The following RNGTT variants were observed in gnomAD, a reference collection of about 807,000 sequenced individuals.
RNGTT encodes mRNA-capping enzyme.
A neutral mutation model predicts 79.3 loss-of-function variants in RNGTT; 33 were observed. The observed-to-expected ratio is 0.42, with a 90% CI of 0.32 to 0.56. The LOEUF is 0.56. Ranked by LOEUF, RNGTT falls within the 20% of genes least tolerant of loss-of-function variation. The pLI, the probability that RNGTT is intolerant of heterozygous loss-of-function variation, is 0.17. For synonymous variants in RNGTT, 222 were observed against 235.9 expected (o/e 0.94, Z 0.54); for missense variants, 497 against 739.1 (o/e 0.67, Z 3.80).
Position 88,697,886 on chromosome 6 carries a change from TATGATATATATATATGATATATATATG to T in RNGTT, c.1440-19494_1440-19468del, listed in dbSNP as rs1562201275. On this transcript the variant is annotated intron_variant, in intron 13 of 15. Coordinates refer to ENST00000369485, the MANE Select transcript of RNGTT (RefSeq NM_003800.5). Reference sequence around the variant, plus strand: ...ACCCTGTCTTGGAAAAAAATATATATATGATATATATATATGATATATATATGAAATACATATATATGATATATATAT... The same window carrying T: ...ACCCTGTCTTGGAAAAAAATATATATAAATACATATATATGATATATATAT... Among the ~76,000 whole-genome samples the T allele has an allele frequency of 2.9e-5, 3 of 101,878 alleles. 1 individual carries two copies. The highest frequency in any genetic ancestry group is 2.3e-4 in the African/African-American group (3 of 12,970). The allele number at this position is 101,878 out of a possible 152,430, so 66.8% of individuals were successfully genotyped here.
intron 13 of RNGTT, among the ~76,000 whole-genome samples, chr6:88,752,308 T>C (rs1212348460): frequency 1.3e-5 from 2 of 152,100 alleles, no homozygotes; most frequent in Non-Finnish European, 2.9e-5. Flanking sequence ...TTTAATTTAT[T>C]CCTCACTGGT....
chr6:88,930,084 A>ATATGCATATG (rs1562046177), intron 2 of RNGTT, among the ~76,000 whole-genome samples: 6 of 100,952 alleles, frequency 5.9e-5, no homozygotes, highest in African/African-American at 1.5e-4. Context: ...ACATATACAT[A>ATATGCATATG]TATACATATA....
intron 13 of RNGTT, among the ~76,000 whole-genome samples, chr6:88,706,567 T>C (rs904539657): frequency 3.9e-5 from 6 of 151,984 alleles, no homozygotes; most frequent in African/African-American, 1.4e-4. Flanking sequence ...ATCTGAAAGT[T>C]AGAAAAAAAA....
chr6:88,646,345 A>G (rs541822997), intron 14 of RNGTT, among the ~76,000 whole-genome samples: 19 of 152,330 alleles, frequency 1.2e-4, no homozygotes, highest in Non-Finnish European at 2.2e-4. Flanking sequence ...AGGAAACAAT[A>G]GGTGCTGGAG....
chr6:88,724,004 C>T (rs954460177), intron 13 of RNGTT, among the ~76,000 whole-genome samples: 2 of 152,046 alleles, frequency 1.3e-5, no homozygotes, highest in African/African-American at 4.8e-5. Flanking sequence ...AGATTACAGG[C>T]GTGAGCCACC....
chr6:88,831,560 A>T (rs1780867675), intron 11 of RNGTT, among the ~76,000 whole-genome samples: 1 of 152,200 alleles, frequency 6.6e-6, no homozygotes, highest in Non-Finnish European at 1.5e-5. Context: ...TACCATTCCT[A>T]TTCAACATAG....
intron 12 of RNGTT, among the ~76,000 whole-genome samples, chr6:88,791,920 T>C (rs989392210): frequency 1.3e-5 from 2 of 152,196 alleles, no homozygotes; most frequent in African/African-American, 4.8e-5. Flanking sequence ...CTAAAAAATA[T>C]ATATTTTAAA....
chr6:88,672,726 T>C (rs1774703424), intron 14 of RNGTT, among the ~76,000 whole-genome samples: 1 of 152,152 alleles, frequency 6.6e-6, no homozygotes. Context: ...TCAAAAAAAG[T>C]TGAAATAACT....
At chr6:88,916,245 G>T (rs1783995307) in intron 4 of RNGTT, among the ~76,000 whole-genome samples, 1 of 152,184 alleles carries the variant, frequency 6.6e-6, no homozygotes, top group Admixed American at 6.5e-5. Flanking sequence ...GGCCAAGGCG[G>T]GTAGATCACT....
At chr6:88,669,328 A>T (rs1774539787) in intron 14 of RNGTT, among the ~76,000 whole-genome samples, 1 of 152,236 alleles carries the variant, frequency 6.6e-6, no homozygotes, top group Non-Finnish European at 1.5e-5. Flanking sequence ...ATGCAGGGGA[A>T]CTACTATGGG....
intron 13 of RNGTT, among the ~76,000 whole-genome samples, chr6:88,720,319 T>C (rs377014746): frequency 5.9e-5 from 9 of 152,128 alleles, no homozygotes; most frequent in African/African-American, 2.2e-4. Context: ...TTTTCTGCCC[T>C]ACCTAAACTT....
intron 13 of RNGTT, among the ~76,000 whole-genome samples, chr6:88,720,167 TTAGA>T (rs1212600845): frequency 6.6e-6 from 1 of 152,178 alleles, no homozygotes; most frequent in Non-Finnish European, 1.5e-5. Context: ...GTGCCATTAA[TTAGA>T]TAGAATATCC....
chr6:88,618,482 A>G (rs1772315655), intron 14 of RNGTT, among the ~76,000 whole-genome samples: 1 of 152,184 alleles, frequency 6.6e-6, no homozygotes, highest in Non-Finnish European at 1.5e-5. Flanking sequence ...ACATATTATT[A>G]TTTACTAAAA....
intron 12 of RNGTT, among the ~76,000 whole-genome samples, chr6:88,788,808 CATG>C (rs1779311792): frequency 1.3e-5 from 2 of 152,172 alleles, no homozygotes; most frequent in South Asian, 4.1e-4. Context: ...TCCAGGCTTT[CATG>C]ATGATTAATG....
chr6:88,706,016 C>T (rs1364392224), intron 13 of RNGTT, among the ~76,000 whole-genome samples: 1 of 151,886 alleles, frequency 6.6e-6, no homozygotes, highest in African/African-American at 2.4e-5. Flanking sequence ...AGTAGAATAC[C>T]ATAAGAGATC....
At chr6:88,771,303 A>ATG (rs373169358) in intron 12 of RNGTT, among the ~76,000 whole-genome samples, 1,114 of 82,084 alleles carry the variant, frequency 0.014, 14 homozygotes, top group African/African-American at 0.031. Flanking sequence ...GTATGTATGT[A>ATG]TGTGTGTGTG....
At chr6:88,849,595 G>A (rs1392807413) in intron 10 of RNGTT, among the ~76,000 whole-genome samples, 160 bp downstream of exon 10, 2 of 151,708 alleles carry the variant, frequency 1.3e-5, no homozygotes, top group Non-Finnish European at 3.0e-5. Flanking sequence ...ATAAGAGAAA[G>A]AAAAGGAGAT....
At chr6:88,749,477 AAAAT>A (rs1777772949) in intron 13 of RNGTT, among the ~76,000 whole-genome samples, 1 of 152,048 alleles carries the variant, frequency 6.6e-6, no homozygotes, top group Non-Finnish European at 1.5e-5. Context: ...CAGGGAAAAA[AAAAT>A]AAGGAAAAAA....
At position 88,821,513 on chromosome 6, in the gene RNGTT, T is replaced by C. The variant is rs190729464; in HGVS notation, c.1270-19881A>G. Among the ~76,000 whole-genome samples the C allele has an allele frequency of 1.1e-3, 165 of 152,022 alleles. 1 individual carries two copies. The highest frequency in any genetic ancestry group is 1.5e-3 in the Non-Finnish European group (102 of 67,918). The stretch of plus-strand genomic sequence containing the variant: ...AGAAAAGTATAAAAGATAAAATATA[T>C]AGAAGCACATGTTAAGCAAAATTTT... On this transcript the variant is annotated intron_variant, in intron 11 of 15. Coordinates refer to ENST00000369485, the MANE Select transcript of RNGTT (RefSeq NM_003800.5).
Sources: allele counts gnomAD v4.1 joint callset (sites outside exome capture counted in the v4.1 genomes callset), GRCh38; gene constraint gnomAD v4.1.1; transcripts MANE v1.5; gene names NCBI Gene and HGNC (gene_info 2026-07-23, HGNC 2026-07-21).